Variants in ARHGAP15 observed in about 807,000 individuals in gnomAD.
ARHGAP15 encodes Rho GTPase activating protein 15.
In ARHGAP15, 51 loss-of-function variants were observed where a neutral mutation model predicts 63.7. The observed-to-expected ratio is 0.80, with a 90% CI of 0.64 to 1.01. The LOEUF (loss-of-function observed/expected upper bound fraction) is 1.01, where lower values mean the gene tolerates loss of function less well. ARHGAP15 is among the 50% of genes least tolerant of loss of function. ARHGAP15 has a pLI of 0.00. For synonymous variants in ARHGAP15, 191 were observed against 193.8 expected, an observed-to-expected ratio of 0.99 and a Z score of 0.12; for missense variants, 560 against 564.6, an observed-to-expected ratio of 0.99 and a Z score of 0.08.
intron 6 of ARHGAP15, among the ~76,000 whole-genome samples, chr2:143,323,818 G>A (rs536561475): frequency 2.7e-5 from 4 of 147,986 alleles, no homozygotes; most frequent in South Asian, 4.4e-4. Flanking sequence ...GTGTGAACCC[G>A]GGAAGCGGAG....
chr2:143,560,565 T>A (rs1695976742), intron 11 of ARHGAP15, among the ~76,000 whole-genome samples: 1 of 152,260 alleles, frequency 6.6e-6, no homozygotes, highest in African/African-American at 2.4e-5. Context: ...CAGCTGTTGA[T>A]TATCTCTTTA....
At chr2:143,217,282 A>G (rs1444752819) in intron 4 of ARHGAP15, among the ~76,000 whole-genome samples, 1 of 152,202 alleles carries the variant, frequency 6.6e-6, no homozygotes, top group Admixed American at 6.5e-5. Context: ...CAGAGAATAA[A>G]GTCTGCTTTT....
At chr2:143,674,075 A>C (rs1303520220) in intron 12 of ARHGAP15, among the ~76,000 whole-genome samples, 1 of 152,058 alleles carries the variant, frequency 6.6e-6, no homozygotes, top group Non-Finnish European at 1.5e-5. Flanking sequence ...CAATCATTTT[A>C]GAAAAGCATT....
At chr2:143,262,317 C>T (rs776627327) in intron 6 of ARHGAP15, among the ~76,000 whole-genome samples, 2 of 152,024 alleles carry the variant, frequency 1.3e-5, no homozygotes, top group Non-Finnish European at 2.9e-5. Flanking sequence ...GCCTCAATCT[C>T]TACAAAAGAG....
At chr2:143,435,813 G>A (rs1689589713) in intron 7 of ARHGAP15, 114 bp downstream of exon 7, 1 of 1,056,896 alleles carries the variant, frequency 9.5e-7, no homozygotes, top group Non-Finnish European at 1.3e-6. Context: ...GACTGAGAGG[G>A]ATTAAGTTCT....
intron 13 of ARHGAP15, among the ~76,000 whole-genome samples, chr2:143,753,288 G>T (rs187545410): frequency 6.6e-6 from 1 of 152,318 alleles, no homozygotes; most frequent in Admixed American, 6.5e-5. Context: ...GTCCTTCCTT[G>T]AAAGGAGATC....
chr2:143,301,050 A>G (rs1682871428), intron 6 of ARHGAP15, among the ~76,000 whole-genome samples: 1 of 151,892 alleles, frequency 6.6e-6, no homozygotes, highest in Admixed American at 6.6e-5. Context: ...TTTTACCATC[A>G]TCTTTGCCCT....
chr2:143,733,646 C>T (rs1685633784), intron 13 of ARHGAP15, among the ~76,000 whole-genome samples: 1 of 152,154 alleles, frequency 6.6e-6, no homozygotes, highest in Non-Finnish European at 1.5e-5. Flanking sequence ...GTAAGACAAG[C>T]TACCATACAT....
At chr2:143,195,831 T>G (rs1691867014) in intron 2 of ARHGAP15, among the ~76,000 whole-genome samples, 1 of 152,152 alleles carries the variant, frequency 6.6e-6, no homozygotes, top group South Asian at 2.1e-4. Flanking sequence ...AAAGCAGAGC[T>G]ATGAGGAATG....
chr2:143,584,282 G>A (rs1697021069), intron 11 of ARHGAP15, among the ~76,000 whole-genome samples: 2 of 152,108 alleles, frequency 1.3e-5, no homozygotes, highest in South Asian at 2.1e-4. Context: ...AACTCTAGAC[G>A]AGAATAGCCA....
At chr2:143,565,596 G>A (rs1696188352) in intron 11 of ARHGAP15, among the ~76,000 whole-genome samples, 1 of 152,164 alleles carries the variant, frequency 6.6e-6, no homozygotes, top group Non-Finnish European at 1.5e-5. Context: ...TCTCCCAGAT[G>A]CCTATAAGTT....
In ARHGAP15 at chr2:143,403,981, TGA is replaced by T. The variant is rs1338370803; in HGVS notation, c.475-31616_475-31615del. ...CCACATTACTCAAGACATATTCAAG[TGA>T]GAGTAGATTGCAATTTCTCTAGTTT... On this transcript the variant is annotated intron_variant, in intron 6 of 13. Coordinates refer to ENST00000295095, the MANE Select transcript of ARHGAP15 (RefSeq NM_018460.4). Among the ~76,000 whole-genome samples the T allele has an allele frequency of 4.6e-5, 7 of 151,708 alleles. No individual in the cohort carries two copies. In the Admixed American group the frequency reaches 4.6e-4, roughly 10 times the overall value.
Position 143,434,465 on chromosome 2 carries a change from T to A in ARHGAP15, c.475-1136T>A, listed in dbSNP as rs1246621517. The stretch of plus-strand genomic sequence containing the variant: ...ATGAGAATCCTTGAAACCTTCAGAA[T>A]GAGCCATTTGGGGTAGTAATTGTCA... On this transcript the variant is annotated intron_variant, in intron 6 of 13. Transcript: ENST00000295095. Among the ~76,000 whole-genome samples the A allele has an allele frequency of 6.6e-5, 10 of 152,232 alleles. No homozygotes were observed. In the East Asian group the frequency reaches 1.9e-3, roughly 29 times the overall value.
At chr2:143,370,276 T>C (rs1027456071) in intron 6 of ARHGAP15, among the ~76,000 whole-genome samples, 1 of 151,818 alleles carries the variant, frequency 6.6e-6, no homozygotes, top group Admixed American at 6.6e-5. Flanking sequence ...ATCCTTGGCA[T>C]GTCTTGCTTT....
Position 143,368,297 on chromosome 2 carries a change from C to T in ARHGAP15, c.475-67304C>T, listed in dbSNP as rs537337928. Among the ~76,000 whole-genome samples, 4 of 151,864 alleles carry T rather than the reference C, an allele frequency of 2.6e-5. No individual in the cohort carries two copies. In the East Asian group the frequency reaches 7.7e-4, roughly 29 times the overall value. The stretch of plus-strand genomic sequence containing the variant: ...GAGCGTCTTAGACGACTTTCTAGAG[C>T]AAATAACATTTCAGCTAAGTATCAA... On this transcript the variant is annotated intron_variant, in intron 6 of 13. Transcript: ENST00000295095.
chr2:143,220,362 C>G (rs949329366), intron 4 of ARHGAP15, among the ~76,000 whole-genome samples: 14 of 152,260 alleles, frequency 9.2e-5, no homozygotes, highest in Non-Finnish European at 2.1e-4. Flanking sequence ...GTACACACCA[C>G]CAGGCCCAGC....
At chr2:143,430,801 T>C (rs917103396) in intron 6 of ARHGAP15, among the ~76,000 whole-genome samples, 1 of 152,026 alleles carries the variant, frequency 6.6e-6, no homozygotes, top group African/African-American at 2.4e-5. Flanking sequence ...ATTCCATTCC[T>C]CTTATTTATG....
intron 13 of ARHGAP15, among the ~76,000 whole-genome samples, chr2:143,720,000 T>C (rs1414128799): frequency 1.3e-5 from 2 of 152,204 alleles, no homozygotes; most frequent in East Asian, 3.9e-4. Flanking sequence ...AGCAGGTGGC[T>C]ACATAGAGAA....
chr2:143,454,476 GTGGAGTAA>G (rs1324109160), intron 8 of ARHGAP15, among the ~76,000 whole-genome samples: 8 of 152,042 alleles, frequency 5.3e-5, no homozygotes, highest in African/African-American at 1.4e-4. Flanking sequence ...AGTCCTACCA[GTGGAGTAA>G]AGCTCCTCAT....
Sources: allele counts gnomAD v4.1 joint callset (sites outside exome capture counted in the v4.1 genomes callset), GRCh38; gene constraint gnomAD v4.1.1; transcripts MANE v1.5; gene names NCBI Gene and HGNC (gene_info 2026-07-23, HGNC 2026-07-21).